NEDD9: variants seen among roughly 807,000 people sequenced by gnomAD.
The protein encoded by NEDD9 is enhancer of filamentation 1.
In NEDD9, 26 loss-of-function variants were observed where a neutral mutation model predicts 76.6. The ratio of observed to expected loss-of-function variants is 0.34; its 90% CI spans 0.25 to 0.47. NEDD9 has a LOEUF of 0.47. NEDD9 is among the 20% of genes least tolerant of loss of function. NEDD9 has a pLI of 1.00. For missense variants in NEDD9, 937 were observed against 1,058.5 expected, an observed-to-expected ratio of 0.89 and a Z score of 1.59; for synonymous variants, 392 against 414.2, an observed-to-expected ratio of 0.95 and a Z score of 0.65.
chr6:11,185,703 A>G, intron 6 of NEDD9, 32 bp from the exon 7 acceptor site: 1 of 1,609,184 alleles, frequency 6.2e-7, no homozygotes, highest in Non-Finnish European at 8.5e-7. Flanking sequence ...ATCTCATTAG[A>G]GCAAGGGAGT....
In NEDD9 at chr6:11,213,527, G is replaced by A; in HGVS notation, c.213C>T (p.Ala71=). 1 of 1,614,182 alleles carries A rather than the reference G, an allele frequency of 6.2e-7. No individual in the cohort carries two copies. Among genetic ancestry groups the A allele is most frequent in the Non-Finnish European group, 8.5e-7 (1 of 1,180,034 alleles). ...KLLIGPMQET[A]SSHEQPASGL... is the part of the protein sequence containing the mutation. The stretch of plus-strand genomic sequence containing the variant: ...CAGAGGCAGGCTGCTCGTGACTGGA[G>A]GCAGTCTCCTGCATGGGACCAATCA... The change falls in exon 2 of 7, where the codon GCC becomes GCT. Residue 71 remains alanine, a synonymous_variant. Transcript: ENST00000379446. The surrounding 1 kb of genome is among the most constrained non-coding windows in gnomAD (Gnocchi z 5.4).
chr6:11,217,172 C>A (rs903106687), intron 1 of NEDD9, among the ~76,000 whole-genome samples: 66 of 152,200 alleles, frequency 4.3e-4, no homozygotes, highest in African/African-American at 1.4e-3. Context: ...AAGACCATAA[C>A]AGCCAAATGA....
chr6:11,188,475 T>G (rs776762962), intron 5 of NEDD9, among the ~76,000 whole-genome samples, 168 bp from the exon 6 acceptor site: 5 of 152,124 alleles, frequency 3.3e-5, no homozygotes, highest in Non-Finnish European at 5.9e-5. Flanking sequence ...GGCAGAAAAA[T>G]AAAGCCCATT....
intron 2 of NEDD9, among the ~76,000 whole-genome samples, chr6:11,317,439 AAGAT>A (rs1360670366): frequency 1.1e-4 from 17 of 151,710 alleles, no homozygotes; most frequent in Non-Finnish European, 2.4e-4. Flanking sequence ...AAAAAAAAAA[AAGAT>A]AGATAGGAAG....
rs1426040408 is a variant in NEDD9, at chr6:11,193,688, A to T, written c.464T>A (p.Ile155Lys). ...TSGPHVGKKV[I>K]TPVRTGHGYV... ...GCCATGGCCTGTCCTCACGGGGGTT[A>T]TCACCTGTGGGAGAGAAGGCACAGA... Residue 155 changes from isoleucine to lysine, a missense_variant, in exon 3 of 7, where the codon ATA (isoleucine) becomes AAA (lysine). By Grantham distance (102) the Ile-to-Lys change is moderately radical (BLOSUM62 -3). Transcript: ENST00000379446. 1 of 1,612,962 alleles carries T rather than the reference A, an allele frequency of 6.2e-7. No individual in the cohort carries two copies. The highest frequency in any genetic ancestry group is 8.5e-7 in the Non-Finnish European group (1 of 1,179,238).
Position 11,202,986 on chromosome 6 carries a change from C to T in NEDD9, c.460-9294G>A, listed in dbSNP as rs145125781. 9.9e-5 allele frequency among the ~76,000 whole-genome samples: 15 copies of T among 152,270 alleles called. No homozygotes were observed. The East Asian group carries it at 2.7e-3, about 27-fold the overall frequency. ...TTGACACAGCGTTGGGCAGCAAACC[C>T]GCTCAATGGAAACAGTGCCCCTATT... On this transcript the variant is annotated intron_variant, in intron 2 of 6. Transcript: ENST00000379446.
chr6:11,369,204 A>T (rs73366861), intron 1 of NEDD9, among the ~76,000 whole-genome samples: 3,935 of 152,226 alleles, frequency 0.026, 141 homozygotes, highest in African/African-American at 0.084. Flanking sequence ...TTGCTTTGTG[A>T]ATGTTCCCAT....
intron 2 of NEDD9, among the ~76,000 whole-genome samples, chr6:11,208,767 T>C (rs1758686566): frequency 6.6e-6 from 1 of 152,184 alleles, no homozygotes; most frequent in Non-Finnish European, 1.5e-5. Context: ...ACATATAATT[T>C]CCCATGCAGA....
chr6:11,204,984 A>G (rs1488289784), intron 2 of NEDD9, among the ~76,000 whole-genome samples: 3 of 152,144 alleles, frequency 2.0e-5, no homozygotes, highest in Non-Finnish European at 4.4e-5. Context: ...CTGGGCAGCA[A>G]CTTTAATTCT....
chr6:11,342,159 TA>T lies in NEDD9; in HGVS notation c.-213-7599del, dbSNP rs560671749. Among the ~76,000 whole-genome samples the T allele has an allele frequency of 2.8e-3, 422 of 151,762 alleles. 4 individuals carry two copies. The highest frequency in any genetic ancestry group is 9.7e-3 in the African/African-American group (401 of 41,382). On this transcript the variant is annotated intron_variant, in intron 1 of 3. Transcript: ENST00000397378. Reference sequence around the variant, plus strand: ...AAATCTGAAGAACAGAAATAAAAAATATTAAGGAAAAAATGAACAAAGGGTC... The same window carrying T: ...AAATCTGAAGAACAGAAATAAAAAATTTAAGGAAAAAATGAACAAAGGGTC...
intron 2 of NEDD9, among the ~76,000 whole-genome samples, chr6:11,316,044 A>G (rs1761546076): frequency 6.6e-6 from 1 of 152,226 alleles, no homozygotes; most frequent in African/African-American, 2.4e-5. Flanking sequence ...CTTTGCCAGC[A>G]GATTTTTAGG....
chr6:11,275,859 A>G (rs28687188), intron 3 of NEDD9, among the ~76,000 whole-genome samples: 12 of 152,218 alleles, frequency 7.9e-5, no homozygotes, highest in Non-Finnish European at 1.6e-4. Context: ...AAACTGGGGG[A>G]GGATGTTCTT....
At chr6:11,255,972 A>G (rs1263746480) in intron 3 of NEDD9, among the ~76,000 whole-genome samples, 2 of 152,010 alleles carry the variant, frequency 1.3e-5, no homozygotes, top group African/African-American at 4.8e-5. Context: ...TTTTTTTGCT[A>G]CGGAGGAATA....
chr6:11,232,502 A>C lies in NEDD9; in HGVS notation c.12+2T>G. On this transcript the variant is annotated splice_donor_variant, in intron 1 of 6. Coordinates refer to ENST00000379446, the MANE Select transcript of NEDD9 (RefSeq NM_006403.4). LOFTEE classifies it high-confidence loss of function. Reference sequence around the variant, plus strand: ...GGTAACCTGTAAAAGGCACTCTCTTACCTTATACTTCATTTCGGCAGCGGT... The same window carrying C: ...GGTAACCTGTAAAAGGCACTCTCTTCCCTTATACTTCATTTCGGCAGCGGT... The C allele has an allele frequency of 6.2e-7, 1 of 1,614,202 alleles. No homozygotes were observed. Among genetic ancestry groups the C allele is most frequent in the Non-Finnish European group, 8.5e-7 (1 of 1,180,036 alleles).
chr6:11,207,865 A>C (rs1261751177), intron 2 of NEDD9, among the ~76,000 whole-genome samples: 2 of 152,208 alleles, frequency 1.3e-5, no homozygotes, highest in African/African-American at 2.4e-5. Flanking sequence ...ACATATGCAA[A>C]GGAAGTTCTG....
rs1342664179 is a variant in NEDD9, at chr6:11,198,843, A to T, written c.460-5151T>A. ...CAGGTAAGCCAGCTCTGGGTTAAGTAGAACCCATGGGATATGGGGCAGAAC... is the reference window on the plus strand; with the variant it reads ...CAGGTAAGCCAGCTCTGGGTTAAGTTGAACCCATGGGATATGGGGCAGAAC... On this transcript the variant is annotated intron_variant, in intron 2 of 6. Transcript: ENST00000379446. The surrounding 1 kb of genome is among the most constrained non-coding windows in gnomAD (Gnocchi z 4.7). 1 of 152,258 alleles carries T rather than the reference A, an allele frequency of 6.6e-6. No homozygotes were observed. The highest frequency in any genetic ancestry group is 2.4e-5 in the African/African-American group (1 of 41,460). 9.4% of individuals were successfully genotyped at this position (152,258 alleles called of 1,614,324 possible). A position where few individuals can be genotyped will look rare whatever the true frequency, so the allele number is the denominator to read the frequency against.
chr6:11,279,776 C>T (rs1301605298), intron 3 of NEDD9, among the ~76,000 whole-genome samples: 3 of 152,270 alleles, frequency 2.0e-5, no homozygotes, highest in African/African-American at 7.2e-5. Context: ...ACAAACAGCT[C>T]TCATCTCCTC....
rs16871126 is a variant in NEDD9, at chr6:11,232,620, G to A, written c.-105C>T. On this transcript the variant is annotated 5_prime_UTR_variant, in exon 1 of 7. Transcript: ENST00000379446. ...GTGCAGCGCTAGATGAAAGCGAGAAGGTCCCGGGCAGAGCCGCTTGTCAGT... is the reference window on the plus strand; with the variant it reads ...GTGCAGCGCTAGATGAAAGCGAGAAAGTCCCGGGCAGAGCCGCTTGTCAGT... 8 of 1,599,612 alleles carry A rather than the reference G, an allele frequency of 5.0e-6. No homozygotes were observed. The highest frequency in any genetic ancestry group is 2.2e-5 in the East Asian group (1 of 44,724).
At chr6:11,310,671 T>A (rs868633232) in intron 2 of NEDD9, among the ~76,000 whole-genome samples, 4 of 152,198 alleles carry the variant, frequency 2.6e-5, no homozygotes, top group African/African-American at 9.6e-5. Flanking sequence ...TGGGGCCTAG[T>A]CTAGAAACAG....
Sources: gnomAD v4.1 joint callset for allele counts (sites outside exome capture counted in the v4.1 genomes callset) on GRCh38, gnomAD v4.1.1 for gene constraint, Gnocchi (gnomAD v3.1) non-coding constraint, MANE v1.5 for transcripts, NCBI Gene and HGNC (gene_info 2026-07-23, HGNC 2026-07-21) for gene names.